HECTD4: variants seen among roughly 807,000 people sequenced by gnomAD.
HECTD4 encodes probable E3 ubiquitin-protein ligase HECTD4.
HECTD4 carries 114 observed loss-of-function variants against 471.5 expected under a neutral mutation model. The ratio of observed to expected loss-of-function variants is 0.24; its 90% CI spans 0.21 to 0.28. The LOEUF (loss-of-function observed/expected upper bound fraction) is 0.28. Ranked by LOEUF, HECTD4 falls within the 10% of genes least tolerant of loss-of-function variation. The probability of loss-of-function intolerance (pLI) is 1.00; values close to 1 mark genes in which losing one functional copy is unlikely to be tolerated. For synonymous variants in HECTD4, 2,012 were observed against 2,256.0 expected (o/e 0.89, Z 3.07); for missense variants, 3,866 against 5,651.5 (o/e 0.68, Z 10.13).
At chr12:112,302,773 T>C (rs2035191410) in intron 7 of HECTD4, 1 of 289,470 alleles carries the variant, frequency 3.5e-6, no homozygotes, top group Non-Finnish European at 6.3e-6. Flanking sequence ...GGTAGTCTGC[T>C]CTTTTTGTTT....
Position 112,381,193 on chromosome 12 carries a change from G to A in HECTD4, c.177+759C>T, listed in dbSNP as rs1404892115. ...ATATTTGGTTCCCTTCTGCCCCCAA[G>A]GCCAAGCAGCTCAACTGATGAGATC... On this transcript the variant is annotated intron_variant, in intron 1 of 75. Transcript: ENST00000682272. The surrounding 1 kb of genome is among the most constrained non-coding windows in gnomAD (Gnocchi z 4.1). Among the ~76,000 whole-genome samples the A allele has an allele frequency of 6.6e-6, 1 of 152,190 alleles. No homozygotes were observed. The highest frequency in any genetic ancestry group is 2.4e-5 in the African/African-American group (1 of 41,444).
intron 1 of HECTD4, among the ~76,000 whole-genome samples, chr12:112,348,755 G>GA (rs1195868205): frequency 2.7e-5 from 4 of 150,882 alleles, no homozygotes; most frequent in Admixed American, 6.6e-5. Context: ...ATCTTTTGGG[G>GA]AAAAAAAAGT....
chr12:112,190,362 C>T (rs1442661094), intron 60 of HECTD4, among the ~76,000 whole-genome samples: 3 of 152,140 alleles, frequency 2.0e-5, no homozygotes, highest in African/African-American at 4.8e-5. Context: ...TGGTAAAATG[C>T]ACAACTTTTA....
chr12:112,283,843 T>C (rs1329654411), intron 7 of HECTD4, among the ~76,000 whole-genome samples: 1 of 152,228 alleles, frequency 6.6e-6, no homozygotes, highest in Non-Finnish European at 1.5e-5. Flanking sequence ...TTGCAGTTCT[T>C]TCATTCATCA....
At position 112,194,739 on chromosome 12, in the gene HECTD4, G is replaced by A. The variant is rs1026101891; in HGVS notation, c.8749+146C>T. On this transcript the variant is annotated intron_variant, in intron 56 of 75. Transcript: ENST00000682272. The surrounding 1 kb of genome is among the most constrained non-coding windows in gnomAD (Gnocchi z 4.6). ...GAAGAGTGAGAAAGCCCTGCCAGGA[G>A]AATCCCAGTTCCTGCGTGCAATTTC... The A allele has an allele frequency of 1.9e-5, 13 of 696,600 alleles. 1 individual carries two copies. The highest frequency in any genetic ancestry group is 7.2e-5 in the African/African-American group (4 of 55,824). The allele number at this position is 696,600 out of a possible 1,614,324, so 43.2% of individuals were successfully genotyped here.
intron 1 of HECTD4, among the ~76,000 whole-genome samples, chr12:112,366,778 G>T (rs1281128422): frequency 2.7e-5 from 4 of 150,908 alleles, no homozygotes. Context: ...CTACTTGGAG[G>T]CTAAGGCAGG....
chr12:112,348,142 C>T (rs373744183), intron 1 of HECTD4, among the ~76,000 whole-genome samples: 13 of 152,212 alleles, frequency 8.5e-5, no homozygotes, highest in African/African-American at 3.1e-4. Flanking sequence ...TTAATCAAAT[C>T]GCTGCAGCAC....
chr12:112,369,038 T>C (rs2036618219), intron 1 of HECTD4, among the ~76,000 whole-genome samples: 1 of 152,198 alleles, frequency 6.6e-6, no homozygotes, highest in Non-Finnish European at 1.5e-5. Context: ...TCCTGGTCTC[T>C]GGCACTATCC....
intron 43 of HECTD4, 82 bp from the exon 44 acceptor site, chr12:112,226,840 C>A (rs1276759629): frequency 1.0e-6 from 1 of 997,820 alleles, no homozygotes. Context: ...ACATTTCAAT[C>A]AATTTTGCCC....
chr12:112,211,438 C>T (rs1390496677), intron 49 of HECTD4, among the ~76,000 whole-genome samples: 2 of 151,690 alleles, frequency 1.3e-5, no homozygotes, highest in Admixed American at 6.6e-5. Context: ...AAGCCACTAA[C>T]TGGATAGTGA....
chr12:112,321,910 A>G (rs975237334), intron 1 of HECTD4: 1 of 151,998 alleles, frequency 6.6e-6, no homozygotes, highest in Non-Finnish European at 1.5e-5. Context: ...TGGCAAAGAA[A>G]GAAAAAGACA....
intron 61 of HECTD4, among the ~76,000 whole-genome samples, chr12:112,183,716 T>C (rs1471108207): frequency 6.6e-6 from 1 of 152,196 alleles, no homozygotes; most frequent in African/African-American, 2.4e-5. Flanking sequence ...GATGCAGGAT[T>C]TCTAAACGGC....
At chr12:112,363,451 A>G (rs774302401) in intron 1 of HECTD4, among the ~76,000 whole-genome samples, 2 of 152,196 alleles carry the variant, frequency 1.3e-5, no homozygotes, top group Non-Finnish European at 2.9e-5. Flanking sequence ...ATGGACATAG[A>G]ATAGGTTTAC....
intron 44 of HECTD4, among the ~76,000 whole-genome samples, chr12:112,220,694 G>A (rs2033062243): frequency 6.6e-6 from 1 of 152,156 alleles, no homozygotes; most frequent in Admixed American, 6.5e-5. Context: ...CTACTCGGGA[G>A]GGTGAGGCAT....
chr12:112,369,031 T>C (rs1331145232), intron 1 of HECTD4, among the ~76,000 whole-genome samples: 2 of 152,192 alleles, frequency 1.3e-5, no homozygotes, highest in Non-Finnish European at 2.9e-5. Context: ...CTCGCTCTCC[T>C]GGTCTCTGGC....
rs2035711664 is a variant in HECTD4, at chr12:112,324,988, AGT to A, written c.178-5248_178-5247del. Among the ~76,000 whole-genome samples, 6 of 152,324 alleles carry A rather than the reference AGT, an allele frequency of 3.9e-5. No homozygotes were observed. The South Asian group carries it at 1.2e-3, about 32-fold the overall frequency. ...AGCAACTACTAAAAAAATTCAATAT[AGT>A]CTTTTATTGAACTCAAATGATGAAC... is the stretch of plus-strand genomic sequence containing the variant. On this transcript the variant is annotated intron_variant, in intron 1 of 75. Coordinates refer to ENST00000682272, the MANE Select transcript of HECTD4 (RefSeq NM_001388303.1).
intron 1 of HECTD4, among the ~76,000 whole-genome samples, chr12:112,330,062 A>C (rs2035817612): frequency 6.6e-6 from 1 of 152,156 alleles, no homozygotes; most frequent in East Asian, 1.9e-4. Flanking sequence ...AGATCACCTG[A>C]GGTCAGGAGA....
At chr12:112,165,544 G>A (rs1174841160) in intron 72 of HECTD4, among the ~76,000 whole-genome samples, 1 of 151,776 alleles carries the variant, frequency 6.6e-6, no homozygotes, top group Non-Finnish European at 1.5e-5. Context: ...GTAGAGACGG[G>A]GTTTCACTGT....
chr12:112,281,478 C>A (rs2034640621), intron 8 of HECTD4, among the ~76,000 whole-genome samples: 1 of 152,046 alleles, frequency 6.6e-6, no homozygotes, highest in African/African-American at 2.4e-5. Flanking sequence ...ATTTCATTTT[C>A]TCCCAAGGGA....
Sources: gnomAD v4.1 joint callset for allele counts (sites outside exome capture counted in the v4.1 genomes callset) on GRCh38, gnomAD v4.1.1 for gene constraint, Gnocchi (gnomAD v3.1) non-coding constraint, MANE v1.5 for transcripts, NCBI Gene and HGNC (gene_info 2026-07-23, HGNC 2026-07-21) for gene names.